Variants in CAPN2 observed in about 807,000 individuals in gnomAD.
CAPN2 encodes calpain 2.
Under a neutral mutation model 102.3 loss-of-function variants are expected in CAPN2, and 92 were observed. That is an observed-to-expected ratio of 0.90 (90% CI 0.76 to 1.07). The LOEUF is 1.07. Ranked by LOEUF, CAPN2 falls within the 50% of genes least tolerant of loss-of-function variation. The pLI is 0.00. For synonymous variants in CAPN2, 340 were observed against 355.4 expected, an observed-to-expected ratio of 0.96 and a Z score of 0.49; for missense variants, 800 against 909.4, an observed-to-expected ratio of 0.88 and a Z score of 1.55.
chr1:223,703,763 T>C (rs1175912196), intron 1 of CAPN2, among the ~76,000 whole-genome samples: 2 of 152,236 alleles, frequency 1.3e-5, no homozygotes, highest in African/African-American at 4.8e-5. Context: ...CGTTTTGGCA[T>C]TTGCTTCCCA....
At chr1:223,735,391 G>C (rs1660428680) in intron 2 of CAPN2, among the ~76,000 whole-genome samples, 1 of 152,062 alleles carries the variant, frequency 6.6e-6, no homozygotes, top group African/African-American at 2.4e-5. Flanking sequence ...AGCTGGGCAT[G>C]GTGGTGGGCG....
chr1:223,752,274 CA>C (rs2102803416), intron 8 of CAPN2, among the ~76,000 whole-genome samples: 1 of 152,322 alleles, frequency 6.6e-6, no homozygotes, highest in South Asian at 2.1e-4. Flanking sequence ...TCCATCTTGA[CA>C]ATGGGGTTTA....
intron 13 of CAPN2, 48 bp downstream of exon 13, chr1:223,761,665 G>A (rs768230964): frequency 6.8e-7 from 1 of 1,467,648 alleles, no homozygotes; most frequent in East Asian, 2.3e-5. Flanking sequence ...GGACAATCCA[G>A]AGAGCAGAGG....
In CAPN2 at chr1:223,759,291, C is replaced by T. The variant is rs1661123700; in HGVS notation, c.1339C>T (p.His447Tyr). 6.2e-7 allele frequency: 1 copy of T among 1,614,084 alleles called. No homozygotes were observed. The highest frequency in any genetic ancestry group is 1.3e-5 in the African/African-American group (1 of 74,938). ...TCAGTTAAGTGGGCAGACCAACATC[C>T]ACCTCAGCAAAAACTTCTTCCTGAC... ...PEELSGQTNIHLSKNFFLTNR... is the reference protein window; with the variant it reads ...PEELSGQTNIYLSKNFFLTNR... Residue 447 changes from histidine (H) to tyrosine (Y), a missense_variant, in exon 12 of 21, where the codon CAC becomes TAC. Transcript: ENST00000295006. The surrounding 1 kb of genome is among the most constrained non-coding windows in gnomAD (Gnocchi z 4.6).
At chr1:223,723,609 T>G (rs1660112914) in intron 2 of CAPN2, among the ~76,000 whole-genome samples, 1 of 152,078 alleles carries the variant, frequency 6.6e-6, no homozygotes, top group African/African-American at 2.4e-5. Context: ...CCCTCTGCAC[T>G]TAAGATCTAA....
rs1018045768 is a variant in CAPN2 at position 223,755,455 on chromosome 1, C to A, written c.1136-25C>A. 2 of 1,612,904 alleles carry A rather than the reference C, an allele frequency of 1.2e-6. No homozygotes were observed. Among genetic ancestry groups the A allele is most frequent in the Non-Finnish European group, 8.5e-7 (1 of 1,179,546 alleles). ...CCATGCATTCCTGCTCAGGGCTGGGCTCCTCTGCCCCTTTCTGGCTGCAGA... is the reference window on the plus strand; with the variant it reads ...CCATGCATTCCTGCTCAGGGCTGGGATCCTCTGCCCCTTTCTGGCTGCAGA... On this transcript the variant is annotated intron_variant, in intron 9 of 20. Transcript: ENST00000295006. The surrounding 1 kb of genome is among the most constrained non-coding windows in gnomAD (Gnocchi z 4.1).
At chr1:223,723,191 G>A (rs768652306) in intron 2 of CAPN2, among the ~76,000 whole-genome samples, 1 of 152,168 alleles carries the variant, frequency 6.6e-6, no homozygotes, top group African/African-American at 2.4e-5. Context: ...GCACATGCCT[G>A]TCGTCCCAGC....
rs1661588665 is a variant in CAPN2 at position 223,775,250 on chromosome 1, T to C, written c.*393T>C. 1 of 176,372 alleles carries C rather than the reference T, an allele frequency of 5.7e-6. No individual in the cohort carries two copies. The highest frequency in any genetic ancestry group is 6.0e-5 in the Admixed American group (1 of 16,716). The allele number at this position is 176,372 out of a possible 1,614,324, so 10.9% of individuals were successfully genotyped here. A position where few individuals can be genotyped will look rare whatever the true frequency, so the allele number is the denominator to read the frequency against. Reference sequence around the variant, plus strand: ...TCGCTCTCAAAGGACACGAGGCCCTTGGCAGGGAATATTTAAAGCAACTTC... The same window carrying C: ...TCGCTCTCAAAGGACACGAGGCCCTCGGCAGGGAATATTTAAAGCAACTTC... On this transcript the variant is annotated 3_prime_UTR_variant, in exon 21 of 21. Transcript: ENST00000295006.
At chr1:223,735,695 G>A (rs923584123) in intron 2 of CAPN2, among the ~76,000 whole-genome samples, 1 of 152,076 alleles carries the variant, frequency 6.6e-6, no homozygotes, top group Non-Finnish European at 1.5e-5. Flanking sequence ...GCTCCGTGGA[G>A]CCATTTGGCC....
chr1:223,748,309 TAAG>T (rs1660800992), intron 5 of CAPN2, among the ~76,000 whole-genome samples: 1 of 152,194 alleles, frequency 6.6e-6, no homozygotes, highest in Admixed American at 6.5e-5. Flanking sequence ...GGGACAGAGA[TAAG>T]AAGCCCTGGC....
rs886149575 is a variant in CAPN2, at chr1:223,725,597, C to T, written c.307+7766C>T. ...CACATTGTGGCACATCTTGAATACC[C>T]GACTGGGTCCCAGCTTTAGCACTTG... is the stretch of plus-strand genomic sequence containing the variant. On this transcript the variant is annotated intron_variant, in intron 2 of 20. Coordinates refer to ENST00000295006, the MANE Select transcript of CAPN2 (RefSeq NM_001748.5). This position sits in a 1 kb window ranked among gnomAD's most constrained non-coding sequence, Gnocchi z 4.1. 2.0e-5 allele frequency among the ~76,000 whole-genome samples: 3 copies of T among 152,126 alleles called. No individual in the cohort carries two copies. The highest frequency in any genetic ancestry group is 2.9e-5 in the Non-Finnish European group (2 of 68,020).
At chr1:223,758,980 C>G in intron 11 of CAPN2, 1 of 422,048 alleles carries the variant, frequency 2.4e-6, no homozygotes, top group South Asian at 2.2e-5. Flanking sequence ...CGTGAGCCAC[C>G]ACACCTAACA....
intron 14 of CAPN2, among the ~76,000 whole-genome samples, chr1:223,763,339 C>T (rs560565915): frequency 1.4e-4 from 21 of 152,208 alleles, no homozygotes; most frequent in Admixed American, 3.9e-4. Flanking sequence ...GCGCCTCCAC[C>T]GGCCTCTCAC....
chr1:223,771,605 G>A lies in CAPN2; in HGVS notation c.1904-204G>A, dbSNP rs182217138. 9.1e-6 allele frequency: 5 copies of A among 547,164 alleles called. No homozygotes were observed. The East Asian group carries it at 1.5e-4, about 17-fold the overall frequency. 33.9% of individuals were successfully genotyped at this position (547,164 alleles called of 1,614,324 possible). On this transcript the variant is annotated intron_variant, in intron 18 of 20. Transcript: ENST00000295006. ...ATGTGTCAGCAAAGGACACAGGCAGGGTGAAGGTGGACAGTTCAAAAACAA... is the reference window on the plus strand; with the variant it reads ...ATGTGTCAGCAAAGGACACAGGCAGAGTGAAGGTGGACAGTTCAAAAACAA...
intron 1 of CAPN2, among the ~76,000 whole-genome samples, chr1:223,715,721 G>T (rs1349894908): frequency 2.6e-5 from 4 of 152,192 alleles, no homozygotes; most frequent in African/African-American, 9.7e-5. Context: ...AGCAAGGGCA[G>T]ATGTTGTGAG....
intron 16 of CAPN2, among the ~76,000 whole-genome samples, chr1:223,767,369 G>A (rs1661365224): frequency 8.3e-6 from 1 of 121,096 alleles, no homozygotes; most frequent in African/African-American, 3.3e-5. Flanking sequence ...TCCCCAGAGT[G>A]TGATGTTCCC....
At chr1:223,762,385 C>A in intron 14 of CAPN2, 134 bp downstream of exon 14, 1 of 705,310 alleles carries the variant, frequency 1.4e-6, no homozygotes. Context: ...TTGCAAATGG[C>A]ACTTGGGTTC....
chr1:223,747,163 G>T lies in CAPN2; in HGVS notation c.727G>T (p.Asp243Tyr). ...AGGCTCTCTCCTTGGCTGCTCCATC[G>T]ACGTAAGTCCAGGCTGCCTTCCCTA... ...QKGSLLGCSI[D>Y]ITSAADSEAI... is the part of the protein sequence containing the mutation. The change falls in exon 5 of 21, where the codon GAC becomes TAC. Residue 243 changes from aspartate to tyrosine, a missense_variant and splice_region_variant. By Grantham distance (160) the Asp-to-Tyr change is radical. Transcript: ENST00000295006. The T allele has an allele frequency of 6.2e-7, 1 of 1,611,714 alleles. No homozygotes were observed. The highest frequency in any genetic ancestry group is 8.5e-7 in the Non-Finnish European group (1 of 1,178,574).
intron 17 of CAPN2, 50 bp downstream of exon 17, chr1:223,769,959 AT>A: frequency 7.1e-7 from 1 of 1,405,354 alleles, no homozygotes; most frequent in South Asian, 1.2e-5. Context: ...CATTCTGTTC[AT>A]ATGCTTTAAG....
Sources: gnomAD v4.1 joint callset for allele counts (sites outside exome capture counted in the v4.1 genomes callset) on GRCh38, gnomAD v4.1.1 for gene constraint, Gnocchi (gnomAD v3.1) non-coding constraint, MANE v1.5 for transcripts, NCBI Gene and HGNC (gene_info 2026-07-23, HGNC 2026-07-21) for gene names.